Variants in EVC2 observed in about 807,000 individuals in gnomAD.
The protein encoded by EVC2 is EvC ciliary complex subunit 2.
Under a neutral mutation model 149.3 loss-of-function variants are expected in EVC2, and 148 were observed. The observed-to-expected ratio is 0.99, with a 90% CI of 0.87 to 1.14. The LOEUF is 1.14. Ranked by LOEUF, EVC2 falls within the 50% of genes most tolerant of loss-of-function variation. EVC2 has a pLI of 0.00. For synonymous variants in EVC2, 776 were observed against 649.9 expected (o/e 1.19, Z -2.95); for missense variants, 1,854 against 1,627.3 (o/e 1.14, Z -2.40).
intron 16 of EVC2, among the ~76,000 whole-genome samples, chr4:5,594,927 G>A (rs1404623662): frequency 6.6e-6 from 1 of 152,192 alleles, no homozygotes; most frequent in East Asian, 1.9e-4. Context: ...GAATGCAGAA[G>A]CCTCCGGAGC....
At chr4:5,598,471 G>A (rs1182630306) in intron 16 of EVC2, among the ~76,000 whole-genome samples, 2 of 152,098 alleles carry the variant, frequency 1.3e-5, no homozygotes, top group African/African-American at 4.8e-5. Context: ...AATGGGGAAA[G>A]GATTCCCTAT....
intron 11 of EVC2, among the ~76,000 whole-genome samples, chr4:5,630,932 C>T (rs1024734434): frequency 6.6e-6 from 1 of 152,216 alleles, no homozygotes; most frequent in South Asian, 2.1e-4. Flanking sequence ...GCACCAGTGA[C>T]AGCGCTGGAG....
At chr4:5,659,402 A>C (rs907660873) in intron 9 of EVC2, among the ~76,000 whole-genome samples, 1 of 144,912 alleles carries the variant, frequency 6.9e-6, no homozygotes, top group Non-Finnish European at 1.5e-5. Context: ...CAATGCTATA[A>C]TTGAAAAAAA....
rs1379518739 is a variant in EVC2, at chr4:5,569,723, T to C, written c.3361-1083A>G. On this transcript the variant is annotated intron_variant, in intron 19 of 21. Transcript: ENST00000344408. This position sits in a 1 kb window ranked among gnomAD's most constrained non-coding sequence, Gnocchi z 4.8. ...GTGTTCAGAAGGGTGGGCTGGGGGTTCAGAGACCACAGAGAGGTCAGGAGA... is the reference window on the plus strand; with the variant it reads ...GTGTTCAGAAGGGTGGGCTGGGGGTCCAGAGACCACAGAGAGGTCAGGAGA... Among the ~76,000 whole-genome samples the C allele has an allele frequency of 5.3e-5, 8 of 151,798 alleles. No individual in the cohort carries two copies. Among genetic ancestry groups the C allele is most frequent in the African/African-American group, 1.9e-4 (8 of 41,300 alleles).
the EVC2 span, among the ~76,000 whole-genome samples, chr4:5,530,053 TG>T: frequency 1.3e-5 from 2 of 152,214 alleles, no homozygotes; most frequent in Admixed American, 1.3e-4. Flanking sequence ...CGACCTCAGG[TG>T]ATCTGCCCTT....
At chr4:5,593,953 G>C (rs1024925598) in intron 16 of EVC2, among the ~76,000 whole-genome samples, 2 of 152,234 alleles carry the variant, frequency 1.3e-5, no homozygotes, top group African/African-American at 2.4e-5. Context: ...TACACCCATG[G>C]AGTCTCGCTG....
In EVC2 at chr4:5,637,977, C is replaced by G. The variant is rs189665889; in HGVS notation, c.1470+2537G>C. On this transcript the variant is annotated intron_variant, in intron 10 of 21. Coordinates refer to ENST00000344408, the MANE Select transcript of EVC2 (RefSeq NM_147127.5). The surrounding 1 kb of genome is among the most constrained non-coding windows in gnomAD (Gnocchi z 4.4). Reference sequence around the variant, plus strand: ...TAAAAATGTAAAAAAACATTCTCAACTTGCAGGCCACATAAAAACAAGCTG... The same window carrying G: ...TAAAAATGTAAAAAAACATTCTCAAGTTGCAGGCCACATAAAAACAAGCTG... Among the ~76,000 whole-genome samples the G allele has an allele frequency of 3.0e-3, 456 of 152,284 alleles. 4 individuals are homozygous for G. The highest frequency in any genetic ancestry group is 7.7e-3 in the African/African-American group (322 of 41,550).
intron 9 of EVC2, among the ~76,000 whole-genome samples, chr4:5,644,226 TTC>T (rs1717544040): frequency 6.6e-6 from 1 of 152,228 alleles, no homozygotes; most frequent in South Asian, 2.1e-4. Context: ...AAGATCTTCA[TTC>T]AATTTGTTTT....
downstream of EVC2, among the ~76,000 whole-genome samples, chr4:5,560,324 T>G (rs927101827): frequency 1.3e-5 from 2 of 152,118 alleles, no homozygotes; most frequent in Non-Finnish European, 2.9e-5. The surrounding 1 kb of genome is among the most constrained non-coding windows in gnomAD (Gnocchi z 4.1). Flanking sequence ...TACATGAGAC[T>G]GGGTAATTTA....
chr4:5,607,975 G>A (rs1473434728), intron 16 of EVC2, among the ~76,000 whole-genome samples: 3 of 151,962 alleles, frequency 2.0e-5, no homozygotes, highest in Non-Finnish European at 4.4e-5. Context: ...AGAACACAAA[G>A]AGTCATCTTG....
chr4:5,578,926 A>G (rs1273027301), intron 17 of EVC2, among the ~76,000 whole-genome samples: 3 of 152,106 alleles, frequency 2.0e-5, no homozygotes, highest in Non-Finnish European at 4.4e-5. Context: ...GTCTTAGAAT[A>G]TAGATAGGAG....
intron 9 of EVC2, among the ~76,000 whole-genome samples, chr4:5,650,477 G>T (rs1207111480): frequency 6.6e-6 from 1 of 151,548 alleles, no homozygotes; most frequent in African/African-American, 2.4e-5. Flanking sequence ...GAGCTCAGAT[G>T]GTTTATTCGT....
chr4:5,625,155 C>T lies in EVC2; in HGVS notation c.2046+594G>A, dbSNP rs913529552. Among the ~76,000 whole-genome samples, 3 of 152,116 alleles carry T rather than the reference C, an allele frequency of 2.0e-5. No individual in the cohort carries two copies. Among genetic ancestry groups the T allele is most frequent in the Non-Finnish European group, 2.9e-5 (2 of 68,028 alleles). ...ACTATCCTTGGATGGAAGGTAACCC[C>T]TTAGCACGGCACACCATGCCCCCAT... On this transcript the variant is annotated intron_variant, in intron 13 of 21. Transcript: ENST00000344408. This position sits in a 1 kb window ranked among gnomAD's most constrained non-coding sequence, Gnocchi z 4.0.
intron 6 of EVC2, among the ~76,000 whole-genome samples, chr4:5,683,609 T>C (rs996940841): frequency 2.0e-5 from 3 of 151,998 alleles, no homozygotes; most frequent in Non-Finnish European, 4.4e-5. Flanking sequence ...GGGGAGGGGT[T>C]CCTAAGGGGT....
intron 5 of EVC2, 46 bp downstream of exon 5, chr4:5,689,111 C>T: frequency 1.9e-6 from 3 of 1,603,300 alleles, no homozygotes; most frequent in Non-Finnish European, 2.6e-6. Context: ...AGTATCTGTA[C>T]ATATTCTCAT....
intron 16 of EVC2, among the ~76,000 whole-genome samples, chr4:5,603,566 C>G (rs1315710798): frequency 1.3e-5 from 2 of 152,216 alleles, no homozygotes; most frequent in Admixed American, 1.3e-4. Flanking sequence ...CTGACAAGAA[C>G]CAACTACCCC....
the EVC2 span, among the ~76,000 whole-genome samples, chr4:5,536,130 G>C: frequency 6.6e-6 from 1 of 151,934 alleles, no homozygotes; most frequent in African/African-American, 2.4e-5. Context: ...CGACATGCAA[G>C]GTTCACCATA....
chr4:5,586,517 T>C (rs1712293497), intron 16 of EVC2, among the ~76,000 whole-genome samples: 1 of 152,146 alleles, frequency 6.6e-6, no homozygotes, highest in Admixed American at 6.5e-5. Context: ...CATGCCTCCT[T>C]ATACCCTCCT....
chr4:5,680,179 G>A (rs1195313362), intron 7 of EVC2, among the ~76,000 whole-genome samples: 1 of 152,094 alleles, frequency 6.6e-6, no homozygotes, highest in Non-Finnish European at 1.5e-5. Flanking sequence ...TGATTTATAG[G>A]TAAGCTTATT....
Sources: allele counts gnomAD v4.1 joint callset (sites outside exome capture counted in the v4.1 genomes callset), GRCh38; gene constraint gnomAD v4.1.1; non-coding constraint Gnocchi (gnomAD v3.1); transcripts MANE v1.5; gene names NCBI Gene and HGNC (gene_info 2026-07-23, HGNC 2026-07-21).